Variants in MYO16 observed in about 807,000 individuals in gnomAD.
MYO16 encodes the protein unconventional myosin-XVI.
Under a neutral mutation model 205.3 loss-of-function variants are expected in MYO16, and 94 were observed. That is an observed-to-expected ratio of 0.46 (90% CI 0.39 to 0.54). The LOEUF is 0.54. MYO16 is among the 20% of genes least tolerant of loss of function. The pLI, the probability that MYO16 is intolerant of heterozygous loss-of-function variation, is 0.00. For missense variants in MYO16, 2,315 were observed against 2,387.5 expected, an observed-to-expected ratio of 0.97 and a Z score of 0.63; for synonymous variants, 988 against 954.0, an observed-to-expected ratio of 1.04 and a Z score of -0.66.
the MYO16 span, among the ~76,000 whole-genome samples, chr13:108,550,535 T>C: frequency 6.6e-6 from 1 of 152,222 alleles, no homozygotes; most frequent in Admixed American, 6.5e-5. Flanking sequence ...AAGCTGGTGA[T>C]GTTTGTATTC....
intron 1 of MYO16, 85 bp downstream of exon 1, chr13:108,629,957 T>A: frequency 8.5e-7 from 1 of 1,178,460 alleles, no homozygotes; most frequent in Non-Finnish European, 1.2e-6. Context: ...AAGGCAGTTC[T>A]CCTGGTATAC....
intron 34 of MYO16, 30 bp downstream of exon 34, chr13:109,179,663 G>T: frequency 6.5e-7 from 1 of 1,532,926 alleles, no homozygotes; most frequent in Non-Finnish European, 9.0e-7. Flanking sequence ...CACATGTGCA[G>T]TGACAAATGG....
intron 1 of MYO16, among the ~76,000 whole-genome samples, chr13:108,658,639 C>A (rs1197313998): frequency 6.6e-6 from 1 of 151,988 alleles, no homozygotes; most frequent in East Asian, 1.9e-4. Context: ...GTGATGTTTT[C>A]TTCTCTGAAC....
At chr13:109,088,292 G>A (rs1888504343) in intron 27 of MYO16, among the ~76,000 whole-genome samples, 1 of 152,214 alleles carries the variant, frequency 6.6e-6, no homozygotes, top group South Asian at 2.1e-4. Context: ...CATTACGTGT[G>A]GGAAAGGCTG....
At chr13:108,724,548 G>T (rs12431074) in intron 3 of MYO16, among the ~76,000 whole-genome samples, 1,939 of 151,668 alleles carry the variant, frequency 0.013, 32 homozygotes, top group African/African-American at 0.042. Context: ...CTTTTTTTTA[G>T]TACTTGTGTC....
At chr13:109,107,432 A>G (rs1275654140) in intron 28 of MYO16, among the ~76,000 whole-genome samples, 1 of 152,206 alleles carries the variant, frequency 6.6e-6, no homozygotes, top group Non-Finnish European at 1.5e-5. Flanking sequence ...CATTACATAA[A>G]ATCAGTTGGA....
intron 1 of MYO16, among the ~76,000 whole-genome samples, chr13:108,618,342 A>G (rs1352728844): frequency 3.3e-5 from 5 of 152,176 alleles, no homozygotes; most frequent in African/African-American, 9.6e-5. Context: ...CCTGCAAAAA[A>G]GAGGAGAAAA....
chr13:108,820,407 C>T lies in MYO16; in HGVS notation c.938C>T (p.Ala313Val). The T allele has an allele frequency of 1.2e-6, 2 of 1,604,024 alleles. No individual in the cohort carries two copies. Among genetic ancestry groups the T allele is most frequent in the Non-Finnish European group, 1.7e-6 (2 of 1,174,736 alleles). ...PHLVNCNEEK[A>V]SDIAASEFIE... ...CTCGTGAACTGTAATGAGGAGAAGG[C>T]GTCAGGTAGGTTAGGAGCATCCTTG... is the stretch of plus-strand genomic sequence containing the variant. The change falls in exon 8 of 35, where the codon GCG (alanine) becomes GTG (valine). Residue 313 changes from alanine to valine, a missense_variant. Physicochemically the swap from Ala to Val is moderately conservative, Grantham distance 64. Coordinates refer to ENST00000457511, the MANE Select transcript of MYO16 (RefSeq NM_001198950.3).
chr13:108,519,555 A>T, the MYO16 span, among the ~76,000 whole-genome samples: 1 of 152,072 alleles, frequency 6.6e-6, no homozygotes, highest in South Asian at 2.1e-4. Context: ...GATATCATAC[A>T]TAAATTTGAA....
chr13:108,676,403 G>GTT (rs1555337835), intron 2 of MYO16, among the ~76,000 whole-genome samples: 13 of 148,332 alleles, frequency 8.8e-5, no homozygotes, highest in East Asian at 6.0e-4. Context: ...GTGTGTGTGT[G>GTT]TGTGCCAGCC....
At chr13:109,031,085 A>G (rs1886534406) in intron 23 of MYO16, among the ~76,000 whole-genome samples, 1 of 152,012 alleles carries the variant, frequency 6.6e-6, no homozygotes, top group South Asian at 2.1e-4. Context: ...GAATGAATGA[A>G]TTTTGTTTTG....
At chr13:109,029,112 C>CTTTTTTTTTTTTTT (rs200871485) in intron 23 of MYO16, among the ~76,000 whole-genome samples, 8 of 98,396 alleles carry the variant, frequency 8.1e-5, no homozygotes, top group Non-Finnish European at 9.4e-5. Context: ...TTTTTCTTTT[C>CTTTTTTTTTTTTTT]TTTTTTTTTT....
At chr13:108,765,201 A>T (rs1381983532) in intron 4 of MYO16, among the ~76,000 whole-genome samples, 1 of 152,118 alleles carries the variant, frequency 6.6e-6, no homozygotes, top group African/African-American at 2.4e-5. Context: ...CCAGACCTTA[A>T]GATTTTCTTC....
At chr13:108,858,611 T>C (rs1878310315) in intron 11 of MYO16, among the ~76,000 whole-genome samples, 1 of 152,196 alleles carries the variant, frequency 6.6e-6, no homozygotes, top group Non-Finnish European at 1.5e-5. Context: ...TCCAGGTACA[T>C]ATCTTCCTAC....
Position 109,125,240 on chromosome 13 carries a change from G to T in MYO16, c.3664G>T (p.Val1222Phe). The T allele has an allele frequency of 6.2e-7, 1 of 1,614,090 alleles. No homozygotes were observed. The highest frequency in any genetic ancestry group is 8.5e-7 in the Non-Finnish European group (1 of 1,180,024). The change falls in exon 30 of 35, where the codon GTC becomes TTC. Residue 1222 changes from valine (V) to phenylalanine (F), a missense_variant. Physicochemically the swap from Val to Phe is conservative, Grantham distance 50. This residue lies in a region of MYO16 where 1,097 missense variants were observed against 1,092.0 expected (regional missense o/e 1.00). Coordinates refer to ENST00000457511, the MANE Select transcript of MYO16 (RefSeq NM_001198950.3). The surrounding 1 kb of genome is among the most constrained non-coding windows in gnomAD (Gnocchi z 4.0). ...DMGLKTYDAL[V>F]IQNASDIARE... ...GGGGCTGAAAACCTACGATGCCCTG[G>T]TCATTCAGAATGCTTCAGACATTGC... is the stretch of plus-strand genomic sequence containing the variant.
intron 28 of MYO16, among the ~76,000 whole-genome samples, chr13:109,117,426 GTGTATATATATGTATATATA>G (rs145551138): frequency 7.7e-5 from 11 of 142,600 alleles, no homozygotes; most frequent in African/African-American, 1.3e-4. Flanking sequence ...ATATGTATAT[GTGTATATATATGTATATATA>G]TGTATATATA....
intron 1 of MYO16, among the ~76,000 whole-genome samples, chr13:108,663,554 A>C (rs867562722): frequency 6.6e-6 from 1 of 152,170 alleles, no homozygotes; most frequent in Admixed American, 6.6e-5. Flanking sequence ...AAATTTAACA[A>C]TTATGGTCTT....
intron 16 of MYO16, among the ~76,000 whole-genome samples, chr13:108,917,181 C>G (rs910088233): frequency 6.6e-6 from 1 of 152,150 alleles, no homozygotes; most frequent in Non-Finnish European, 1.5e-5. Flanking sequence ...ACGTGCTGCC[C>G]TAGGCCCCCT....
chr13:108,847,257 G>A (rs1877570709), intron 10 of MYO16, among the ~76,000 whole-genome samples: 1 of 152,114 alleles, frequency 6.6e-6, no homozygotes, highest in Non-Finnish European at 1.5e-5. Context: ...TTGTATCCTA[G>A]ACATAAAAAG....
Sources: allele counts gnomAD v4.1 joint callset (sites outside exome capture counted in the v4.1 genomes callset), GRCh38; gene constraint gnomAD v4.1.1; regional missense constraint gnomAD v4.1.1; non-coding constraint Gnocchi (gnomAD v3.1); transcripts MANE v1.5; gene names NCBI Gene and HGNC (gene_info 2026-07-23, HGNC 2026-07-21).